CYP4F22: variants seen among roughly 807,000 people sequenced by gnomAD.
CYP4F22 encodes cytochrome P450 family 4 subfamily F member 22.
In CYP4F22, 37 loss-of-function variants were observed where a neutral mutation model predicts 60.4. The ratio of observed to expected loss-of-function variants is 0.61; its 90% CI spans 0.47 to 0.81. The LOEUF (loss-of-function observed/expected upper bound fraction) is 0.81, where lower values mean the gene tolerates loss of function less well. Among genes scored for constraint, CYP4F22 ranks in the 30% least tolerant of loss-of-function variants. The pLI is 0.00. For missense variants in CYP4F22, 655 were observed against 715.0 expected, an observed-to-expected ratio of 0.92 and a Z score of 0.96; for synonymous variants, 258 against 280.5, an observed-to-expected ratio of 0.92 and a Z score of 0.80.
In CYP4F22 at chr19:15,519,872, T is replaced by C. The variant is rs74493742; in HGVS notation, c.-108-3821T>C. On this transcript the variant is annotated intron_variant, in intron 1 of 13. Coordinates refer to ENST00000269703, the MANE Select transcript of CYP4F22 (RefSeq NM_173483.4). The stretch of plus-strand genomic sequence containing the variant: ...ACTGACCGGGCTGCAGACGAAAAGG[T>C]CACACTGGTGTGGACCCAGAGATCA... Among the ~76,000 whole-genome samples, 1,408 of 152,138 alleles carry C rather than the reference T, an allele frequency of 9.3e-3. 28 individuals are homozygous for C. Among genetic ancestry groups the C allele is most frequent in the African/African-American group, 0.031 (1,281 of 41,504 alleles).
Position 15,544,017 on chromosome 19 carries a change from C to G in CYP4F22, c.986C>G (p.Ala329Gly). The change falls in exon 9 of 14, where the codon GCA (alanine) becomes GGA (glycine). Residue 329 changes from alanine (A) to glycine (G), a missense_variant. Physicochemically the swap from Ala to Gly is moderately conservative, Grantham distance 60. Around this residue, in one of 3 missense-constraint regions of CYP4F22, gnomAD observed 430 missense variants for 457.1 expected, o/e 0.94. Coordinates refer to ENST00000269703, the MANE Select transcript of CYP4F22 (RefSeq NM_173483.4). Reference sequence around the variant, plus strand: ...TCAGACGAGGATATCCGAGCCGAAGCAGACACCTTCATGTTTGAGGGTGAG... The same window carrying G: ...TCAGACGAGGATATCCGAGCCGAAGGAGACACCTTCATGTTTGAGGGTGAG... The part of the protein sequence containing the change: ...ELSDEDIRAE[A>G]DTFMFEGHDT... The G allele has an allele frequency of 1.2e-6, 2 of 1,614,096 alleles. No individual in the cohort carries two copies. Among genetic ancestry groups the G allele is most frequent in the African/African-American group, 1.3e-5 (1 of 75,008 alleles).
chr19:15,548,368 T>C, intron 11 of CYP4F22, 127 bp downstream of exon 11: 1 of 1,417,664 alleles, frequency 7.1e-7, no homozygotes. Flanking sequence ...GCTCTCTGTG[T>C]GCCTGTTGCT....
At chr19:15,513,769 C>T (rs765374095) in intron 1 of CYP4F22, among the ~76,000 whole-genome samples, 2 of 152,186 alleles carry the variant, frequency 1.3e-5, no homozygotes, top group African/African-American at 2.4e-5. Flanking sequence ...TCCCAAAGTG[C>T]TGGGATTACA....
chr19:15,541,371 C>T (rs533616039), intron 8 of CYP4F22, among the ~76,000 whole-genome samples: 22 of 152,146 alleles, frequency 1.4e-4, no homozygotes, highest in Non-Finnish European at 2.1e-4. Flanking sequence ...CCTATGTCTG[C>T]GGATCATCTT....
At chr19:15,526,062 G>A (rs1971279266) in intron 3 of CYP4F22, among the ~76,000 whole-genome samples, 1 of 152,078 alleles carries the variant, frequency 6.6e-6, no homozygotes, top group Non-Finnish European at 1.5e-5. Flanking sequence ...CTACTTGGGA[G>A]GCTGAGGCGC....
rs1568360319 is a variant in CYP4F22, at chr19:15,537,572, C to A, written c.459C>A (p.Ser153Arg). 6.2e-7 allele frequency: 1 copy of A among 1,614,170 alleles called. No homozygotes were observed. The highest frequency in any genetic ancestry group is 1.7e-5 in the Admixed American group (1 of 60,014). Residue 153 changes from serine (S) to arginine (R), a missense_variant, in exon 6 of 14, where the codon AGC (serine) becomes AGA (arginine). Physicochemically the swap from Ser to Arg is moderately radical, Grantham distance 110 (BLOSUM62 -1). Around this residue, in one of 3 missense-constraint regions of CYP4F22, gnomAD observed 430 missense variants for 457.1 expected, o/e 0.94. Transcript: ENST00000269703. ...TGCTCAGCAAAGGTGACAAGTGGAGCCGGCACCGTCGCCTGCTGACACCCG... is the reference window on the plus strand; with the variant it reads ...TGCTCAGCAAAGGTGACAAGTGGAGACGGCACCGTCGCCTGCTGACACCCG... ...GLLLSKGDKW[S>R]RHRRLLTPAF...
Position 15,550,724 on chromosome 19 carries a change from A to C in CYP4F22, c.1386A>C (p.Pro462=). 1 of 1,614,134 alleles carries C rather than the reference A, an allele frequency of 6.2e-7. No individual in the cohort carries two copies. Among genetic ancestry groups the C allele is most frequent in the Non-Finnish European group, 8.5e-7 (1 of 1,180,012 alleles). The change falls in exon 13 of 14, where the codon CCA becomes CCC. Residue 462 remains proline (P), a synonymous_variant. Coordinates refer to ENST00000269703, the MANE Select transcript of CYP4F22 (RefSeq NM_173483.4). ...CGGACAACCCACAGCAGCGCTCTCC[A>C]CTGGCCTATGTGCCCTTCTCTGCAG... ...FDPDNPQQRS[P]LAYVPFSAGP...
rs1971591166 is a variant in CYP4F22, at chr19:15,551,224, A to T, written c.1419-70A>T. ...AGGATGCTTGCTTCATTTTCAAAGG[A>T]GGCATGTGACCCCCGGGGACCAGTG... On this transcript the variant is annotated intron_variant, in intron 13 of 13. Transcript: ENST00000269703. The T allele has an allele frequency of 4.5e-6, 7 of 1,555,752 alleles. No homozygotes were observed. In the Admixed American group the frequency reaches 1.3e-4, roughly 29 times the overall value.
intron 1 of CYP4F22, among the ~76,000 whole-genome samples, chr19:15,520,855 C>T (rs1267242112): frequency 6.6e-6 from 1 of 151,970 alleles, no homozygotes; most frequent in Admixed American, 6.6e-5. Flanking sequence ...GCAACCTCCG[C>T]CTCCTGGGTT....
intron 4 of CYP4F22, among the ~76,000 whole-genome samples, chr19:15,530,242 C>T (rs1260911014): frequency 6.6e-6 from 1 of 152,192 alleles, no homozygotes; most frequent in African/African-American, 2.4e-5. Flanking sequence ...GCTGTCATCA[C>T]TTGGGCTGAC....
At position 15,525,387 on chromosome 19, in the gene CYP4F22, G is replaced by T. The variant is rs147808045; in HGVS notation, c.51G>T (p.Thr17=). The change falls in exon 3 of 14, where the codon ACG becomes ACT. Residue 17 remains threonine, a synonymous_variant. Transcript: ENST00000269703. ...TGCACCTCCTGGGGCTGGAGAAGAC[G>T]GCGTTCCGCATATACGCGGTGTCCA... ...RLLHLLGLEK[T]AFRIYAVSTL... is the part of the protein sequence containing the mutation. The T allele has an allele frequency of 1.9e-6, 3 of 1,613,974 alleles. No individual in the cohort carries two copies. The Admixed American group carries it at 5.0e-5, about 27-fold the overall frequency.
intron 1 of CYP4F22, among the ~76,000 whole-genome samples, chr19:15,521,783 A>T (rs1971228767): frequency 6.6e-6 from 1 of 152,088 alleles, no homozygotes; most frequent in South Asian, 2.1e-4. Context: ...CAATCTTCCC[A>T]TCTCAGCCTC....
chr19:15,537,475 G>T, intron 5 of CYP4F22, 60 bp from the exon 6 acceptor site: 1 of 1,614,166 alleles, frequency 6.2e-7, no homozygotes, highest in African/African-American at 1.3e-5. Context: ...AGAGCATGGG[G>T]TTCCTTGGAA....
chr19:15,534,025 T>G (rs1380641308), intron 4 of CYP4F22, among the ~76,000 whole-genome samples: 2 of 152,214 alleles, frequency 1.3e-5, no homozygotes, highest in African/African-American at 4.8e-5. Flanking sequence ...GGAGCCACCT[T>G]GCTGTTTTCC....
intron 1 of CYP4F22, among the ~76,000 whole-genome samples, chr19:15,520,622 C>G (rs1171154627): frequency 6.6e-6 from 1 of 152,076 alleles, no homozygotes; most frequent in East Asian, 1.9e-4. Flanking sequence ...GAATCTCGCT[C>G]TGTCACCCAG....
intron 4 of CYP4F22, among the ~76,000 whole-genome samples, chr19:15,533,655 T>C (rs1971367374): frequency 7.0e-6 from 1 of 141,902 alleles, no homozygotes; most frequent in South Asian, 2.2e-4. Context: ...TGGAGTGCAG[T>C]GGTGTAGCCA....
Position 15,529,723 on chromosome 19 carries a change from G to A in CYP4F22, c.237G>A (p.Glu79=). The change falls in exon 4 of 14, where the codon GAG becomes GAA. Residue 79 remains glutamate, a synonymous_variant. Coordinates refer to ENST00000269703, the MANE Select transcript of CYP4F22 (RefSeq NM_173483.4). ...ACCTCTTGCAGTACCTTCCAAATGA[G>A]GCGGGCCTTCAAGATGAGAAGAAGG... ...LGHLGMYLPN[E]AGLQDEKKVL... 6.2e-7 allele frequency: 1 copy of A among 1,614,122 alleles called. No homozygotes were observed. The highest frequency in any genetic ancestry group is 8.5e-7 in the Non-Finnish European group (1 of 1,180,022).
In CYP4F22 at chr19:15,537,646, G is replaced by A; in HGVS notation, c.533G>A (p.Ser178Asn). 1 of 1,613,370 alleles carries A rather than the reference G, an allele frequency of 6.2e-7. No individual in the cohort carries two copies. The highest frequency in any genetic ancestry group is 8.5e-7 in the Non-Finnish European group (1 of 1,180,042). The change falls in exon 6 of 14, where the codon AGC (serine) becomes AAC (asparagine). Residue 178 changes from serine (S) to asparagine (N), a missense_variant. Ser to Asn is a conservative substitution (Grantham distance 46). Coordinates refer to ENST00000269703, the MANE Select transcript of CYP4F22 (RefSeq NM_173483.4). ...CCTTACATGAAGATCTTCAACCAGA[G>A]CGCTGACATTATGCATGTGAGTCCT... is the stretch of plus-strand genomic sequence containing the variant. The part of the protein sequence containing the change: ...LKPYMKIFNQ[S>N]ADIMHAKWRH...
At position 15,537,596 on chromosome 19, in the gene CYP4F22, C is replaced by T. The variant is rs374464817; in HGVS notation, c.483C>T (p.Pro161=). Residue 161 remains proline (P), a synonymous_variant, in exon 6 of 14, where the codon CCC becomes CCT. Transcript: ENST00000269703. ...KWSRHRRLLT[P]AFHFDILKPY... ...GCCGGCACCGTCGCCTGCTGACACC[C>T]GCCTTCCACTTTGACATCCTGAAGC... 6.2e-6 allele frequency: 10 copies of T among 1,614,046 alleles called. No homozygotes were observed. The highest frequency in any genetic ancestry group is 1.3e-5 in the African/African-American group (1 of 74,932).
Sources: gnomAD v4.1 joint callset for allele counts (sites outside exome capture counted in the v4.1 genomes callset) on GRCh38, gnomAD v4.1.1 for gene constraint, gnomAD v4.1.1 regional missense constraint, MANE v1.5 for transcripts, NCBI Gene and HGNC (gene_info 2026-07-23, HGNC 2026-07-21) for gene names.